The following MAP3K12 variants were observed in gnomAD, a reference collection of about 807,000 sequenced individuals.
MAP3K12 encodes MAPK-upstream kinase.
A neutral mutation model predicts 87.5 loss-of-function variants in MAP3K12; 14 were observed. The observed-to-expected ratio is 0.16, with a 90% CI of 0.11 to 0.25. The LOEUF (loss-of-function observed/expected upper bound fraction) is 0.25, where lower values mean the gene tolerates loss of function less well. Ranked by LOEUF, MAP3K12 falls within the 10% of genes least tolerant of loss-of-function variation. The pLI is 1.00. For synonymous variants in MAP3K12, 469 were observed against 452.5 expected (o/e 1.04, Z -0.46); for missense variants, 802 against 1,140.4 (o/e 0.70, Z 4.27).
chr12:53,494,940 G>C (rs990773372), intron 1 of MAP3K12, among the ~76,000 whole-genome samples: 4 of 152,070 alleles, frequency 2.6e-5, no homozygotes, highest in Admixed American at 2.6e-4. Context: ...GCAGTGGGAT[G>C]ATCACGGCTC....
chr12:53,482,442 A>T, intron 11 of MAP3K12, 73 bp from the exon 12 acceptor site: 2 of 1,605,550 alleles, frequency 1.2e-6, no homozygotes, highest in East Asian at 4.5e-5. Flanking sequence ...GGAGAAGGGA[A>T]CATAGTTACG....
chr12:53,485,840 G>A, intron 4 of MAP3K12: 1 of 572,436 alleles, frequency 1.7e-6, no homozygotes, highest in Non-Finnish European at 3.0e-6. Context: ...ACAGGCGTGA[G>A]CCACTGCATC....
rs371761798 is a variant in MAP3K12 at position 53,486,897 on chromosome 12, T to C, written c.445+50A>G. On this transcript the variant is annotated intron_variant, in intron 2 of 13. Transcript: ENST00000547488. This position sits in a 1 kb window ranked among gnomAD's most constrained non-coding sequence, Gnocchi z 4.9. ...GACTTTAGCGGAGCTGACCAACAGA[T>C]CTCGGGCTCAGGGAAACAGAGAGGA... is the stretch of plus-strand genomic sequence containing the variant. 6.3e-7 allele frequency: 1 copy of C among 1,599,784 alleles called. No individual in the cohort carries two copies. Among genetic ancestry groups the C allele is most frequent in the Non-Finnish European group, 8.5e-7 (1 of 1,170,898 alleles).
In MAP3K12 at chr12:53,485,305, C is replaced by T; in HGVS notation, c.980+12G>A. ...GCCACCCACTCTTCTCAGTTTTCAGCCTAGTTCTCACCAGATGTCGACCTT... is the reference window on the plus strand; with the variant it reads ...GCCACCCACTCTTCTCAGTTTTCAGTCTAGTTCTCACCAGATGTCGACCTT... On this transcript the variant is annotated intron_variant, in intron 5 of 13. Transcript: ENST00000547488. The T allele has an allele frequency of 3.1e-6, 5 of 1,611,812 alleles. No individual in the cohort carries two copies. In the South Asian group the frequency reaches 5.5e-5, roughly 18 times the overall value.
At chr12:53,484,969 C>T (rs1231534532) in intron 6 of MAP3K12, 87 bp downstream of exon 6, 2 of 1,496,138 alleles carry the variant, frequency 1.3e-6, no homozygotes, top group South Asian at 1.2e-5. Flanking sequence ...TTAAATGTAC[C>T]CCTGCCATTT....
chr12:53,499,068 C>G lies in MAP3K12; in HGVS notation c.-38+359G>C, dbSNP rs568719124. On this transcript the variant is annotated intron_variant, in intron 1 of 13. Coordinates refer to ENST00000547488, the MANE Select transcript of MAP3K12 (RefSeq NM_001193511.2). Reference sequence around the variant, plus strand: ...TCCCTAGAGGGGGCCAAAACTCTCCCTCCTCCTTCCCTCTCTCTCTTCCTG... The same window carrying G: ...TCCCTAGAGGGGGCCAAAACTCTCCGTCCTCCTTCCCTCTCTCTCTTCCTG... Among the ~76,000 whole-genome samples the G allele has an allele frequency of 2.6e-5, 4 of 151,688 alleles. No homozygotes were observed. The South Asian group carries it at 8.3e-4, about 32-fold the overall frequency.
In MAP3K12 at chr12:53,487,191, T is replaced by A; in HGVS notation, c.201A>T (p.Pro67=). The change falls in exon 2 of 14, where the codon CCA becomes CCT. Residue 67 remains proline, a synonymous_variant. Transcript: ENST00000547488. ...GQGGGGPSPS[P]GGEPPPEPFA... ...AAGGCTCAGGGGGCGGCTCTCCACC[T>A]GGGGAGGGGCTGGGCCCTCCCCCAC... 6.2e-7 allele frequency: 1 copy of A among 1,613,846 alleles called. No individual in the cohort carries two copies.
rs1239163849 is a variant in MAP3K12 at position 53,483,683 on chromosome 12, C to T, written c.1399G>A (p.Glu467Lys). 1 of 1,613,940 alleles carries T rather than the reference C, an allele frequency of 6.2e-7. No homozygotes were observed. Among genetic ancestry groups the T allele is most frequent in the Admixed American group, 1.7e-5 (1 of 60,022 alleles). The change falls in exon 9 of 14, where the codon GAG becomes AAG. Residue 467 changes from glutamate to lysine, a missense_variant. By Grantham distance (56) the Glu-to-Lys change is moderately conservative. Coordinates refer to ENST00000547488, the MANE Select transcript of MAP3K12 (RefSeq NM_001193511.2). ...DIREHYERKLERANNLYMELN... is the reference protein window; with the variant it reads ...DIREHYERKLKRANNLYMELN... ...TCCATATACAGGTTGTTGGCTCTCT[C>T]CAGCTTCCTTTCATAGTGCTCCCTG...
At chr12:53,489,705 AG>A (rs1943348767) in intron 1 of MAP3K12, among the ~76,000 whole-genome samples, 1 of 152,226 alleles carries the variant, frequency 6.6e-6, no homozygotes, top group Non-Finnish European at 1.5e-5. Context: ...AGAAGGGTTC[AG>A]TAGATGATTA....
At chr12:53,495,294 G>A (rs1592723573) in intron 1 of MAP3K12, among the ~76,000 whole-genome samples, 1 of 128,122 alleles carries the variant, frequency 7.8e-6, no homozygotes, top group Admixed American at 9.9e-5. Flanking sequence ...AGCCGAGATG[G>A]AGCCACTGCA....
intron 6 of MAP3K12, chr12:53,484,841 A>G (rs1943183870): frequency 3.3e-6 from 2 of 601,154 alleles, no homozygotes; most frequent in Non-Finnish European, 5.8e-6. Context: ...GAATGCAGAT[A>G]TCGTTAAGTG....
At chr12:53,485,893 T>C (rs952727529) in intron 4 of MAP3K12, 163 bp downstream of exon 4, 1 of 646,164 alleles carries the variant, frequency 1.5e-6, no homozygotes, top group Non-Finnish European at 2.6e-6. Flanking sequence ...CACTCAAAGG[T>C]GAGGGGCTCA....
chr12:53,481,180 T>C lies in MAP3K12; in HGVS notation c.*2A>G, dbSNP rs1293675334. Reference sequence around the variant, plus strand: ...TCTATGTACAAGGAATACGAGTGGCTTTCATGGAGGGAGGGAAGCTGGGGG... The same window carrying C: ...TCTATGTACAAGGAATACGAGTGGCCTTCATGGAGGGAGGGAAGCTGGGGG... On this transcript the variant is annotated 3_prime_UTR_variant, in exon 14 of 14. Transcript: ENST00000547488. 2 of 1,492,562 alleles carry C rather than the reference T, an allele frequency of 1.3e-6. No homozygotes were observed. The highest frequency in any genetic ancestry group is 1.4e-5 in the African/African-American group (1 of 69,466). The allele number at this position is 1,492,562 out of a possible 1,614,324, so 92.5% of individuals were successfully genotyped here. A position where few individuals can be genotyped will look rare whatever the true frequency, so the allele number is the denominator to read the frequency against.
chr12:53,482,635 C>A lies in MAP3K12; in HGVS notation c.2168G>T (p.Gly723Val). Residue 723 changes from glycine to valine, a missense_variant, in exon 11 of 14, where the codon GGA becomes GTA. Physicochemically the swap from Gly to Val is moderately radical, Grantham distance 109. Transcript: ENST00000547488. Reference sequence around the variant, plus strand: ...CAAGTGCTGGGACCCAGCCCGGCTTCCTCCCCGGCCTGAGGTCCCTTCCCT... The same window carrying A: ...CAAGTGCTGGGACCCAGCCCGGCTTACTCCCCGGCCTGAGGTCCCTTCCCT... ...TGREGTSGRG[G>V]SRAGSQHLTP... 6.2e-7 allele frequency: 1 copy of A among 1,613,928 alleles called. No individual in the cohort carries two copies. Among genetic ancestry groups the A allele is most frequent in the Non-Finnish European group, 8.5e-7 (1 of 1,180,018 alleles).
At chr12:53,491,306 G>GAA (rs1472220267) in intron 1 of MAP3K12, among the ~76,000 whole-genome samples, 5 of 61,500 alleles carry the variant, frequency 8.1e-5, no homozygotes, top group African/African-American at 2.4e-4. Flanking sequence ...AAAAAAAAAA[G>GAA]AAAAGAAAAG....
At chr12:53,500,932 T>G (rs571814346), upstream of MAP3K12, 4 of 163,086 alleles carry the variant, frequency 2.5e-5, no homozygotes, top group African/African-American at 9.6e-5. Context: ...CCTCTCCAGC[T>G]GCGACACAGA....
chr12:53,482,334 C>T lies in MAP3K12; in HGVS notation c.2274G>A (p.Glu758=), dbSNP rs372577176. The stretch of plus-strand genomic sequence containing the variant: ...ATGTCAGCTCTACTTCACTGTCTAC[C>T]TCTCCTTCCTCCTCTTCCGATGAGA... ...RGISSEEEEG[E]VDSEVELTSS... The change falls in exon 12 of 14, where the codon GAG becomes GAA. Residue 758 remains glutamate, a synonymous_variant. Transcript: ENST00000547488. 2.5e-6 allele frequency: 4 copies of T among 1,614,080 alleles called. No individual in the cohort carries two copies. Among genetic ancestry groups the T allele is most frequent in the Non-Finnish European group, 2.5e-6 (3 of 1,180,028 alleles).
intron 1 of MAP3K12, among the ~76,000 whole-genome samples, chr12:53,489,079 CAAAA>C (rs925604046): frequency 4.3e-5 from 2 of 46,418 alleles, no homozygotes; most frequent in South Asian, 7.1e-4. Flanking sequence ...AACTCTGTCT[CAAAA>C]AAAAAAAAAA....
At chr12:53,493,906 G>A (rs1338408466) in intron 1 of MAP3K12, 2 of 152,288 alleles carry the variant, frequency 1.3e-5, no homozygotes, top group Non-Finnish European at 2.9e-5. Flanking sequence ...TGTCTTTTAC[G>A]GTAGTGGGGA....
Sources: allele counts gnomAD v4.1 joint callset (sites outside exome capture counted in the v4.1 genomes callset), GRCh38; gene constraint gnomAD v4.1.1; non-coding constraint Gnocchi (gnomAD v3.1); transcripts MANE v1.5; gene names NCBI Gene and HGNC (gene_info 2026-07-23, HGNC 2026-07-21).